The following STN1 variants were observed in gnomAD, a reference collection of about 807,000 sequenced individuals.
The protein encoded by STN1 is CST complex subunit STN1.
In STN1, 29 loss-of-function variants were observed where a neutral mutation model predicts 45.5. The ratio of observed to expected loss-of-function variants is 0.64; its 90% CI spans 0.47 to 0.87. STN1 has a LOEUF of 0.87. Among genes scored for constraint, STN1 ranks in the 40% least tolerant of loss-of-function variants. The pLI, the probability that STN1 is intolerant of heterozygous loss-of-function variation, is 0.00. For synonymous variants in STN1, 148 were observed against 159.0 expected, an observed-to-expected ratio of 0.93 and a Z score of 0.52; for missense variants, 376 against 441.4, an observed-to-expected ratio of 0.85 and a Z score of 1.33.
At chr10:103,895,231 C>G (rs986513070) in intron 7 of STN1, among the ~76,000 whole-genome samples, 1 of 152,204 alleles carries the variant, frequency 6.6e-6, no homozygotes, top group Admixed American at 6.5e-5. Context: ...CAGGCAGACA[C>G]AAGTTTCTGC....
intron 2 of STN1, among the ~76,000 whole-genome samples, chr10:103,915,321 C>G (rs563445643): frequency 5.9e-5 from 9 of 152,326 alleles, no homozygotes; most frequent in Admixed American, 2.0e-4. Flanking sequence ...CTGATATGAT[C>G]TGGCTCAAAA....
At chr10:103,914,716 C>T (rs1843318050) in intron 2 of STN1, among the ~76,000 whole-genome samples, 1 of 152,032 alleles carries the variant, frequency 6.6e-6, no homozygotes, top group Non-Finnish European at 1.5e-5. Flanking sequence ...CCACACAAAT[C>T]TAAATACCAC....
chr10:103,896,448 A>G lies in STN1; in HGVS notation c.753+1100T>C, dbSNP rs550384163. On this transcript the variant is annotated intron_variant, in intron 7 of 9. Transcript: ENST00000224950. ...CTGAGATCATTCCCTGGTGGGATAAAGAAAGTAAATAAATGAGTCACGTTA... is the reference window on the plus strand; with the variant it reads ...CTGAGATCATTCCCTGGTGGGATAAGGAAAGTAAATAAATGAGTCACGTTA... 2.0e-5 allele frequency among the ~76,000 whole-genome samples: 3 copies of G among 152,290 alleles called. No individual in the cohort carries two copies. The East Asian group carries it at 5.8e-4, about 29-fold the overall frequency.
chr10:103,890,670 G>T (rs751361419), intron 8 of STN1, among the ~76,000 whole-genome samples: 5 of 152,190 alleles, frequency 3.3e-5, no homozygotes, highest in African/African-American at 1.2e-4. Flanking sequence ...ATCCTGGGAC[G>T]GTGTGGGAGG....
At chr10:103,917,952 T>C (rs574357958) in intron 1 of STN1, 148 bp downstream of exon 1, 4 of 192,408 alleles carry the variant, frequency 2.1e-5, no homozygotes, top group African/African-American at 7.0e-5. Flanking sequence ...CAGAAACCGC[T>C]TGGGGTCCCG....
Position 103,892,233 on chromosome 10 carries a change from G to A in STN1, c.773C>T (p.Thr258Ile). The change falls in exon 8 of 10, where the codon ACC becomes ATC. Residue 258 changes from threonine to isoleucine, a missense_variant. By Grantham distance (89) the Thr-to-Ile change is moderately conservative. Transcript: ENST00000224950. ...TATACTATGAATTGCCTTGGAAGTG[G>A]TGTCCTTCTTAAAATTCACCTGTAA... ...SSDQVNFKKD[T>I]TSKAIHSIFK... 1 of 1,598,534 alleles carries A rather than the reference G, an allele frequency of 6.3e-7. No homozygotes were observed. Among genetic ancestry groups the A allele is most frequent in the Non-Finnish European group, 8.5e-7 (1 of 1,176,024 alleles).
chr10:103,916,890 C>T (rs556812122), intron 2 of STN1, among the ~76,000 whole-genome samples: 1 of 152,052 alleles, frequency 6.6e-6, no homozygotes, highest in Non-Finnish European at 1.5e-5. Context: ...AGGCACTGTT[C>T]TAAGCCCTGG....
In STN1 at chr10:103,882,639, T is replaced by A; in HGVS notation, c.*45A>T. On this transcript the variant is annotated 3_prime_UTR_variant, in exon 10 of 10. Coordinates refer to ENST00000224950, the MANE Select transcript of STN1 (RefSeq NM_024928.5). The stretch of plus-strand genomic sequence containing the variant: ...CTGAAAGTCAGAGCCTGGGGGTGAA[T>A]GCCACCTTATCTTTGTCCTCCTCAG... The A allele has an allele frequency of 3.2e-6, 5 of 1,558,548 alleles. No individual in the cohort carries two copies. The highest frequency in any genetic ancestry group is 2.6e-6 in the Non-Finnish European group (3 of 1,148,290).
chr10:103,888,936 A>G, intron 9 of STN1, 136 bp downstream of exon 9: 1 of 640,944 alleles, frequency 1.6e-6, no homozygotes, highest in Non-Finnish European at 2.9e-6. Flanking sequence ...CAGGGAGGGC[A>G]GGTACTTTGA....
At chr10:103,891,122 T>A (rs11191849) in intron 8 of STN1, among the ~76,000 whole-genome samples, 67,506 of 152,016 alleles carry the variant, frequency 0.44, 15,712 homozygotes, top group Non-Finnish European at 0.5. Context: ...CCAGCAGCTC[T>A]TCTTTTAAGA....
At position 103,896,555 on chromosome 10, in the gene STN1, C is replaced by T. The variant is rs570342484; in HGVS notation, c.753+993G>A. Among the ~76,000 whole-genome samples the T allele has an allele frequency of 7.2e-5, 11 of 152,184 alleles. No individual in the cohort carries two copies. The South Asian group carries it at 2.1e-3, about 29-fold the overall frequency. On this transcript the variant is annotated intron_variant, in intron 7 of 9. Transcript: ENST00000224950. The stretch of plus-strand genomic sequence containing the variant: ...AAATAATTCTTAATTCCAAGCAATA[C>T]GTCAACACCAAGCAACAAAACAAGT...
chr10:103,899,090 C>T (rs1282589336), intron 5 of STN1, 90 bp from the exon 6 acceptor site: 1 of 1,443,276 alleles, frequency 6.9e-7, no homozygotes, highest in Non-Finnish European at 9.5e-7. Context: ...GCTAAGACAA[C>T]AGTAAATGAG....
intron 9 of STN1, 59 bp from the exon 10 acceptor site, chr10:103,882,900 T>C: frequency 6.6e-7 from 1 of 1,506,830 alleles, no homozygotes; most frequent in Non-Finnish European, 9.0e-7. Context: ...TCCTCTGTCC[T>C]CTCCATACCT....
Position 103,909,496 on chromosome 10 carries a change from G to GTGCA in STN1, c.229+1030_229+1031insTGCA, listed in dbSNP as rs1564635156. On this transcript the variant is annotated intron_variant, in intron 3 of 9. Coordinates refer to ENST00000224950, the MANE Select transcript of STN1 (RefSeq NM_024928.5). ...TATATATGTATATATATGTGTGTGTGTATATGTATATATGTATATATGTAT... is the reference window on the plus strand; with the variant it reads ...TATATATGTATATATATGTGTGTGTGTGCATATATGTATATATGTATATATGTAT... Among the ~76,000 whole-genome samples, 2 of 77,180 alleles carry GTGCA rather than the reference G, an allele frequency of 2.6e-5. 1 individual carries two copies. Among genetic ancestry groups the GTGCA allele is most frequent in the Admixed American group, 3.0e-4 (2 of 6,650 alleles). 50.6% of individuals were successfully genotyped at this position (77,180 alleles called of 152,430 possible).
rs1196643886 is a variant in STN1 at position 103,882,700 on chromosome 10, T to C, written c.1091A>G (p.Tyr364Cys). Reference protein sequence around the residue: ...QSDIVSTMEHYYTAF With the variant: ...QSDIVSTMEHCYTAF The stretch of plus-strand genomic sequence containing the variant: ...TGTCTCTGCTCAGAACGCTGTGTAG[T>C]AGTGCTCCATTGTGCTGACAATGTC... The change falls in exon 10 of 10, where the codon TAC (tyrosine) becomes TGC (cysteine). Residue 364 changes from tyrosine to cysteine, a missense_variant. Coordinates refer to ENST00000224950, the MANE Select transcript of STN1 (RefSeq NM_024928.5). 4 of 1,613,488 alleles carry C rather than the reference T, an allele frequency of 2.5e-6. No homozygotes were observed. The highest frequency in any genetic ancestry group is 1.3e-5 in the African/African-American group (1 of 74,944).
Position 103,897,724 on chromosome 10 carries a change from G to A in STN1, c.582-5C>T, listed in dbSNP as rs369184061. The A allele has an allele frequency of 2.7e-5, 43 of 1,613,328 alleles. No individual in the cohort carries two copies. The highest frequency in any genetic ancestry group is 3.3e-5 in the Admixed American group (2 of 59,828). On this transcript the variant is annotated splice_polypyrimidine_tract_variant and splice_region_variant and intron_variant, in intron 6 of 9. Coordinates refer to ENST00000224950, the MANE Select transcript of STN1 (RefSeq NM_024928.5). ...AGGTCCAGGGCGCCTGGATTGCTGC[G>A]GAGGGAAAGTTTTAAAGAGCTCTGC...
Position 103,889,163 on chromosome 10 carries a change from T to A in STN1, c.877-19A>T. On this transcript the variant is annotated intron_variant, in intron 8 of 9. Transcript: ENST00000224950. ...TGGTTACCTAAATAGGAAAAATAGTTGAGAGAGAGAGTGTTCTTAGGTAAC... is the reference window on the plus strand; with the variant it reads ...TGGTTACCTAAATAGGAAAAATAGTAGAGAGAGAGAGTGTTCTTAGGTAAC... The A allele has an allele frequency of 6.4e-7, 1 of 1,553,962 alleles. No individual in the cohort carries two copies. The highest frequency in any genetic ancestry group is 1.1e-5 in the South Asian group (1 of 89,834).
chr10:103,901,504 T>C (rs898163199), intron 4 of STN1, among the ~76,000 whole-genome samples: 6 of 152,216 alleles, frequency 3.9e-5, no homozygotes, highest in Non-Finnish European at 1.5e-5. Flanking sequence ...AGCTGTGTAA[T>C]CTTGGGCAGG....
At chr10:103,888,491 G>A (rs985811635) in intron 9 of STN1, among the ~76,000 whole-genome samples, 6 of 152,092 alleles carry the variant, frequency 3.9e-5, no homozygotes, top group African/African-American at 1.4e-4. Context: ...TAACCACTAG[G>A]GGCTGAACTA....
Sources: allele counts gnomAD v4.1 joint callset (sites outside exome capture counted in the v4.1 genomes callset), GRCh38; gene constraint gnomAD v4.1.1; transcripts MANE v1.5; gene names NCBI Gene and HGNC (gene_info 2026-07-23, HGNC 2026-07-21).